KCTD8: variants seen among roughly 807,000 people sequenced by gnomAD.
The protein encoded by KCTD8 is BTB/POZ domain-containing protein KCTD8.
A neutral mutation model predicts 31.5 loss-of-function variants in KCTD8; 27 were observed. The observed-to-expected ratio is 0.86, with a 90% CI of 0.63 to 1.18. The LOEUF is 1.18. KCTD8 is among the 50% of genes most tolerant of loss of function. The pLI, the probability that KCTD8 is intolerant of heterozygous loss-of-function variation, is 0.00. For synonymous variants in KCTD8, 290 were observed against 280.0 expected (o/e 1.04, Z -0.36); for missense variants, 658 against 647.7 (o/e 1.02, Z -0.17).
chr4:44,255,119 C>T (rs1425679152), intron 1 of KCTD8, among the ~76,000 whole-genome samples: 1 of 151,688 alleles, frequency 6.6e-6, no homozygotes, highest in African/African-American at 2.4e-5. Flanking sequence ...ATAAGTGCAC[C>T]CTGCCTATGA....
rs542629393 is a variant in KCTD8 at position 44,206,914 on chromosome 4, T to C, written c.962-31664A>G. Among the ~76,000 whole-genome samples, 5 of 152,356 alleles carry C rather than the reference T, an allele frequency of 3.3e-5. No individual in the cohort carries two copies. In the South Asian group the frequency reaches 1.0e-3, roughly 32 times the overall value. On this transcript the variant is annotated intron_variant, in intron 1 of 1. Coordinates refer to ENST00000360029, the MANE Select transcript of KCTD8 (RefSeq NM_198353.3). ...TCTCACAGTAGTCTTGCATTATTAT[T>C]GTAAAAGTTAGAAAATAAAAAAATA...
intron 1 of KCTD8, among the ~76,000 whole-genome samples, chr4:44,376,677 C>T (rs1719923517): frequency 6.6e-6 from 1 of 152,060 alleles, no homozygotes; most frequent in African/African-American, 2.4e-5. Context: ...TGCTTTTCAC[C>T]AAGGACCTCA....
At chr4:44,295,827 G>A (rs1717413163) in intron 1 of KCTD8, among the ~76,000 whole-genome samples, 1 of 152,038 alleles carries the variant, frequency 6.6e-6, no homozygotes, top group Non-Finnish European at 1.5e-5. Context: ...TGGATTTTAG[G>A]GAACACATTC....
chr4:44,228,746 C>A (rs769045240), intron 1 of KCTD8, among the ~76,000 whole-genome samples: 2 of 152,138 alleles, frequency 1.3e-5, no homozygotes, highest in Non-Finnish European at 2.9e-5. Context: ...TTCCTTATAA[C>A]CTCCATTAAA....
At chr4:44,415,848 A>G (rs910232907) in intron 1 of KCTD8, among the ~76,000 whole-genome samples, 1 of 152,240 alleles carries the variant, frequency 6.6e-6, no homozygotes, top group African/African-American at 2.4e-5. Flanking sequence ...AGACTGTACC[A>G]GGGCAATGTC....
intron 1 of KCTD8, among the ~76,000 whole-genome samples, chr4:44,355,941 T>TAAAGTTA (rs1719330333): frequency 3.3e-4 from 2 of 6,106 alleles, no homozygotes; most frequent in Non-Finnish European, 1.2e-3. Flanking sequence ...ATTTTATAGC[T>TAAAGTTA]AAATTGCAAA....
chr4:44,314,504 C>A (rs539592175), intron 1 of KCTD8, among the ~76,000 whole-genome samples: 1 of 152,032 alleles, frequency 6.6e-6, no homozygotes, highest in Admixed American at 6.6e-5. Flanking sequence ...GTTATATATG[C>A]TCCTTATACT....
chr4:44,337,368 T>C lies in KCTD8; in HGVS notation c.961+110195A>G, dbSNP rs1488917148. On this transcript the variant is annotated intron_variant, in intron 1 of 1. Coordinates refer to ENST00000360029, the MANE Select transcript of KCTD8 (RefSeq NM_198353.3). ...ATAACCTAAAATAGCATATATGCTA[T>C]ATGTTTTCATAGAACATATACAGTC... Among the ~76,000 whole-genome samples, 4 of 152,124 alleles carry C rather than the reference T, an allele frequency of 2.6e-5. No individual in the cohort carries two copies. In the East Asian group the frequency reaches 7.7e-4, roughly 29 times the overall value.
At chr4:44,216,633 T>G (rs560574501) in intron 1 of KCTD8, among the ~76,000 whole-genome samples, 1 of 152,086 alleles carries the variant, frequency 6.6e-6, no homozygotes, top group Non-Finnish European at 1.5e-5. Context: ...TTAAAAAAAA[T>G]GTTTTCTGTT....
chr4:44,217,643 T>G (rs1714686346), intron 1 of KCTD8, among the ~76,000 whole-genome samples: 1 of 152,138 alleles, frequency 6.6e-6, no homozygotes, highest in South Asian at 2.1e-4. Flanking sequence ...ACCAACCAAC[T>G]GGTTGCCAGT....
intron 1 of KCTD8, among the ~76,000 whole-genome samples, chr4:44,303,841 C>T (rs1002130270): frequency 6.6e-6 from 1 of 151,858 alleles, no homozygotes; most frequent in African/African-American, 2.4e-5. Context: ...AACTCCTAAT[C>T]GTTTTTAACA....
At chr4:44,303,271 T>C (rs530585305) in intron 1 of KCTD8, among the ~76,000 whole-genome samples, 59 of 152,226 alleles carry the variant, frequency 3.9e-4, no homozygotes, top group African/African-American at 1.4e-3. Flanking sequence ...TTTCTATTGA[T>C]TGGAATAGTT....
At chr4:44,389,008 A>T (rs891475584) in intron 1 of KCTD8, among the ~76,000 whole-genome samples, 5 of 151,874 alleles carry the variant, frequency 3.3e-5, no homozygotes, top group African/African-American at 1.2e-4. Context: ...ATGATAAGTG[A>T]AATAAGCCAG....
chr4:44,403,382 T>C (rs1397223940), intron 1 of KCTD8, among the ~76,000 whole-genome samples: 1 of 150,200 alleles, frequency 6.7e-6, no homozygotes, highest in Non-Finnish European at 1.5e-5. Flanking sequence ...ATCATTTTAA[T>C]ATATAGGAGG....
At chr4:44,275,343 C>A (rs757066855) in intron 1 of KCTD8, among the ~76,000 whole-genome samples, 3 of 151,914 alleles carry the variant, frequency 2.0e-5, no homozygotes, top group Non-Finnish European at 2.9e-5. Flanking sequence ...TGTCTTCTCC[C>A]TCCTTTCTTC....
chr4:44,259,640 G>A (rs373199975), intron 1 of KCTD8, among the ~76,000 whole-genome samples: 7 of 151,920 alleles, frequency 4.6e-5, no homozygotes, highest in Admixed American at 6.6e-5. Flanking sequence ...TTTTGCTAAC[G>A]CAAGTACAGG....
chr4:44,174,191 C>G lies in KCTD8; in HGVS notation c.*599G>C. On this transcript the variant is annotated 3_prime_UTR_variant, in exon 2 of 2. Transcript: ENST00000360029. ...AACAAAGAAAATTCAATCTCCTAGA[C>G]AGCTTACATTTATAGGCTTTGTCTA... 1 of 152,598 alleles carries G rather than the reference C, an allele frequency of 6.6e-6. No homozygotes were observed. The highest frequency in any genetic ancestry group is 1.9e-4 in the East Asian group (1 of 5,200). The allele number at this position is 152,598 out of a possible 1,614,324, so 9.5% of individuals were successfully genotyped here.
chr4:44,177,825 AT>A (rs1713262341), intron 1 of KCTD8, among the ~76,000 whole-genome samples: 1 of 152,138 alleles, frequency 6.6e-6, no homozygotes, highest in African/African-American at 2.4e-5. Flanking sequence ...ACCATAACTA[AT>A]CTTAGTGTAC....
At chr4:44,346,334 A>G (rs1370111919) in intron 1 of KCTD8, among the ~76,000 whole-genome samples, 2 of 152,118 alleles carry the variant, frequency 1.3e-5, no homozygotes, top group Admixed American at 6.5e-5. Flanking sequence ...ATCATAGCAC[A>G]CTGAAAAATC....
Sources: allele counts gnomAD v4.1 joint callset (sites outside exome capture counted in the v4.1 genomes callset), GRCh38; gene constraint gnomAD v4.1.1; transcripts MANE v1.5; gene names NCBI Gene and HGNC (gene_info 2026-07-23, HGNC 2026-07-21).